CNBD1: variants seen among roughly 807,000 people sequenced by gnomAD.
The protein encoded by CNBD1 is cyclic nucleotide binding domain containing 1.
CNBD1 carries 71 observed loss-of-function variants against 54.4 expected under a neutral mutation model. That is an observed-to-expected ratio of 1.30 (90% CI 1.08 to 1.59). CNBD1 has a LOEUF of 1.59. CNBD1 is among the 40% of genes most tolerant of loss of function. The pLI is 0.00. For missense variants in CNBD1, 659 were observed against 518.0 expected (o/e 1.27, Z -2.64); for synonymous variants, 182 against 170.7 (o/e 1.07, Z -0.51).
At chr8:87,379,354 T>G (rs1811024934) in intron 10 of CNBD1, among the ~76,000 whole-genome samples, 1 of 151,866 alleles carries the variant, frequency 6.6e-6, no homozygotes, top group Admixed American at 6.6e-5. Flanking sequence ...TACCCAGGAA[T>G]TGAACTCAGC....
chr8:86,908,710 T>C (rs536323615), intron 3 of CNBD1, among the ~76,000 whole-genome samples: 35 of 152,134 alleles, frequency 2.3e-4, no homozygotes, highest in African/African-American at 7.7e-4. Flanking sequence ...TAAAGGGGGC[T>C]GTGAAATGAA....
intron 8 of CNBD1, among the ~76,000 whole-genome samples, chr8:87,342,851 C>T (rs180709721): frequency 3.3e-4 from 51 of 152,252 alleles, no homozygotes; most frequent in African/African-American, 1.0e-3. Flanking sequence ...CCACTGTGCA[C>T]GCATTGTCTT....
At position 87,389,209 on chromosome 8, in the gene CNBD1, C is replaced by T. The variant is rs570502501; in HGVS notation, c.213+35423C>T. The stretch of plus-strand genomic sequence containing the variant: ...CTGGCACAAGACAGGGATGCCCTCT[C>T]TCACCGCTGCTATTCAACATAGTGT... On this transcript the variant is annotated intron_variant, in intron 2 of 7. Coordinates refer to the CNBD1 transcript ENST00000521593. 2.0e-5 allele frequency among the ~76,000 whole-genome samples: 3 copies of T among 152,290 alleles called. No homozygotes were observed. In the East Asian group the frequency reaches 5.8e-4, roughly 29 times the overall value.
chr8:86,928,231 A>C (rs764034975), intron 3 of CNBD1, among the ~76,000 whole-genome samples: 17 of 152,158 alleles, frequency 1.1e-4, no homozygotes, highest in African/African-American at 3.9e-4. Flanking sequence ...ATCAAGTAGG[A>C]AGTCATTTGT....
intron 3 of CNBD1, among the ~76,000 whole-genome samples, chr8:86,912,200 A>T (rs181641451): frequency 4.1e-4 from 62 of 152,324 alleles, no homozygotes; most frequent in Middle Eastern, 3.4e-3. Flanking sequence ...AAAAAATTTT[A>T]AAAAATTCAG....
At chr8:87,156,402 A>G (rs147129000) in intron 4 of CNBD1, among the ~76,000 whole-genome samples, 1 of 150,254 alleles carries the variant, frequency 6.7e-6, no homozygotes, top group East Asian at 2.0e-4. Flanking sequence ...GTACCATCAT[A>G]CCCGGCTACA....
intron 6 of CNBD1, among the ~76,000 whole-genome samples, chr8:87,279,662 A>G (rs1808555783): frequency 6.6e-6 from 1 of 151,274 alleles, no homozygotes; most frequent in African/African-American, 2.4e-5. Context: ...TGCAGTAAAA[A>G]TTATTACCTC....
At position 87,161,416 on chromosome 8, in the gene CNBD1, G is replaced by A. The variant is rs371321293; in HGVS notation, c.432-44577G>A. 5.8e-4 allele frequency among the ~76,000 whole-genome samples: 88 copies of A among 152,130 alleles called. 1 individual carries two copies. The South Asian group carries it at 0.012, about 20-fold the overall frequency. ...TCTACCACAAAAATTATGAAAGGAA[G>A]ACTGATACTTCACAATCTGTTCTAC... is the stretch of plus-strand genomic sequence containing the variant. On this transcript the variant is annotated intron_variant, in intron 4 of 10. Coordinates refer to ENST00000518476, the MANE Select transcript of CNBD1 (RefSeq NM_173538.3).
chr8:87,269,315 T>G (rs967823019), intron 6 of CNBD1, among the ~76,000 whole-genome samples: 1 of 152,130 alleles, frequency 6.6e-6, no homozygotes, highest in South Asian at 2.1e-4. Flanking sequence ...GCTGTTTTGG[T>G]TACTATAGCC....
intron 4 of CNBD1, among the ~76,000 whole-genome samples, chr8:87,099,964 CT>C (rs1166309562): frequency 6.6e-6 from 1 of 152,030 alleles, no homozygotes; most frequent in Non-Finnish European, 1.5e-5. Context: ...TTGTGGCAAA[CT>C]CTTAATGTTA....
intron 5 of CNBD1, among the ~76,000 whole-genome samples, chr8:87,216,567 T>G (rs1814216067): frequency 6.6e-6 from 1 of 152,140 alleles, no homozygotes; most frequent in South Asian, 2.1e-4. Context: ...GATGTGTACA[T>G]TCCTTTTACT....
intron 8 of CNBD1, among the ~76,000 whole-genome samples, chr8:87,309,528 C>T (rs1321038312): frequency 1.3e-5 from 2 of 151,980 alleles, no homozygotes; most frequent in Non-Finnish European, 2.9e-5. Context: ...ATATAATTCC[C>T]TGTGGGAATT....
intron 4 of CNBD1, among the ~76,000 whole-genome samples, chr8:87,011,689 A>T (rs983599453): frequency 6.6e-6 from 1 of 152,178 alleles, no homozygotes; most frequent in Non-Finnish European, 1.5e-5. Flanking sequence ...AACATTATAT[A>T]GAAAGAACAC....
intron 3 of CNBD1, among the ~76,000 whole-genome samples, chr8:86,923,128 G>C (rs1395220148): frequency 7.2e-5 from 11 of 152,178 alleles, no homozygotes; most frequent in Admixed American, 7.2e-4. Flanking sequence ...CGAAGGCAGT[G>C]ATTTAATAAA....
intron 3 of CNBD1, among the ~76,000 whole-genome samples, chr8:86,913,733 G>A (rs886931279): frequency 1.3e-5 from 2 of 152,126 alleles, no homozygotes; most frequent in East Asian, 1.9e-4. Flanking sequence ...CGCTGTGCAC[G>A]CATTGTCAGG....
At chr8:87,096,350 T>C (rs886662032) in intron 4 of CNBD1, among the ~76,000 whole-genome samples, 1 of 151,010 alleles carries the variant, frequency 6.6e-6, no homozygotes, top group African/African-American at 2.4e-5. Flanking sequence ...TGTCTTTTTT[T>C]TTTTTTTTTT....
chr8:87,371,322 A>T (rs537266145), intron 10 of CNBD1, among the ~76,000 whole-genome samples: 1 of 151,960 alleles, frequency 6.6e-6, no homozygotes. Flanking sequence ...CTTGGGCAGT[A>T]TGGCCATTTT....
chr8:87,270,477 A>T (rs1808339683), intron 6 of CNBD1, among the ~76,000 whole-genome samples: 1 of 151,846 alleles, frequency 6.6e-6, no homozygotes, highest in African/African-American at 2.4e-5. Context: ...TTCTGGCAAG[A>T]TTGTGAGAAA....
At chr8:87,129,176 T>C (rs1186193594) in intron 4 of CNBD1, among the ~76,000 whole-genome samples, 2 of 151,574 alleles carry the variant, frequency 1.3e-5, no homozygotes, top group Admixed American at 1.3e-4. Context: ...ATCATTCTAG[T>C]TTCACAGAGT....
Sources: allele counts gnomAD v4.1 joint callset (sites outside exome capture counted in the v4.1 genomes callset), GRCh38; gene constraint gnomAD v4.1.1; transcripts MANE v1.5; gene names NCBI Gene and HGNC (gene_info 2026-07-23, HGNC 2026-07-21).